TM4SF5: variants seen among roughly 807,000 people sequenced by gnomAD.
TM4SF5 encodes the protein transmembrane 4 L6 family member 5.
A neutral mutation model predicts 22.3 loss-of-function variants in TM4SF5; 16 were observed. The observed-to-expected ratio is 0.72, with a 90% CI of 0.49 to 1.09. The LOEUF (loss-of-function observed/expected upper bound fraction) is 1.09. Among genes scored for constraint, TM4SF5 ranks in the 50% least tolerant of loss-of-function variants. The probability of loss-of-function intolerance (pLI) is 0.00; values close to 1 mark genes in which losing one functional copy is unlikely to be tolerated. For synonymous variants in TM4SF5, 113 were observed against 109.6 expected, an observed-to-expected ratio of 1.03 and a Z score of -0.19; for missense variants, 249 against 266.1, an observed-to-expected ratio of 0.94 and a Z score of 0.45.
chr17:4,776,111 A>C (rs570348575), intron 1 of TM4SF5, among the ~76,000 whole-genome samples: 1 of 151,622 alleles, frequency 6.6e-6, no homozygotes, highest in Non-Finnish European at 1.5e-5. Context: ...GGCCTCCCCA[A>C]GTGCTGGGAT....
intron 2 of TM4SF5, among the ~76,000 whole-genome samples, chr17:4,781,840 C>T (rs746972172): frequency 5.9e-5 from 9 of 151,902 alleles, no homozygotes; most frequent in Non-Finnish European, 1.3e-4. Context: ...AATAAATTTC[C>T]CTTCAAACCC....
At chr17:4,776,838 A>G (rs1440783959) in intron 1 of TM4SF5, among the ~76,000 whole-genome samples, 2 of 152,170 alleles carry the variant, frequency 1.3e-5, no homozygotes, top group African/African-American at 4.8e-5. Context: ...ACGCCACTGG[A>G]ATGAAGAAGA....
chr17:4,781,385 G>A lies in TM4SF5; in HGVS notation c.258+516G>A, dbSNP rs145725784. 4.8e-3 allele frequency among the ~76,000 whole-genome samples: 722 copies of A among 151,924 alleles called. 4 individuals are homozygous for A. The highest frequency in any genetic ancestry group is 0.016 in the African/African-American group (677 of 41,480). On this transcript the variant is annotated intron_variant, in intron 2 of 4. Transcript: ENST00000270560. The stretch of plus-strand genomic sequence containing the variant: ...TAGCCTGGTGTGGTGGTGGGCGCCT[G>A]TAATCCCAGCTACTCAGGAGGCTGA...
chr17:4,776,060 G>A (rs141993115), intron 1 of TM4SF5, among the ~76,000 whole-genome samples: 8,872 of 151,578 alleles, frequency 0.059, 358 homozygotes, highest in East Asian at 0.11. Context: ...TGTTGGTCAG[G>A]CTGGTCTCGC....
intron 2 of TM4SF5, among the ~76,000 whole-genome samples, chr17:4,781,953 G>A (rs1917317353): frequency 6.6e-6 from 1 of 151,630 alleles, no homozygotes; most frequent in African/African-American, 2.4e-5. Flanking sequence ...CAGGATCATT[G>A]AGATCTGAGA....
At chr17:4,781,883 C>T (rs916973836) in intron 2 of TM4SF5, among the ~76,000 whole-genome samples, 6 of 151,824 alleles carry the variant, frequency 4.0e-5, no homozygotes, top group African/African-American at 1.2e-4. Flanking sequence ...TGAAAGCCAG[C>T]GGCCGCCGAG....
chr17:4,771,989 G>T lies in TM4SF5; in HGVS notation c.67G>T (p.Val23Leu). ...CATTACCCTCTGCCTCGTCTGCATTGTGGCCAACGCCCTCCTGCTGGTACC... is the reference window on the plus strand; with the variant it reads ...CATTACCCTCTGCCTCGTCTGCATTTTGGCCAACGCCCTCCTGCTGGTACC... ...SLITLCLVCI[V>L]ANALLLVPNG... The change falls in exon 1 of 5, where the codon GTG (valine) becomes TTG (leucine). Residue 23 changes from valine to leucine, a missense_variant. Physicochemically the swap from Val to Leu is conservative, Grantham distance 32 (BLOSUM62 1). Coordinates refer to ENST00000270560, the MANE Select transcript of TM4SF5 (RefSeq NM_003963.3). The T allele has an allele frequency of 1.9e-6, 3 of 1,614,194 alleles. No individual in the cohort carries two copies. The highest frequency in any genetic ancestry group is 2.5e-6 in the Non-Finnish European group (3 of 1,180,042).
chr17:4,775,360 G>A (rs996678856), intron 1 of TM4SF5, among the ~76,000 whole-genome samples: 5 of 151,110 alleles, frequency 3.3e-5, no homozygotes, highest in African/African-American at 9.7e-5. Flanking sequence ...TTGGGTTCAC[G>A]CCATTCTCCT....
intron 1 of TM4SF5, among the ~76,000 whole-genome samples, chr17:4,775,455 G>T (rs925672821): frequency 5.3e-5 from 8 of 151,042 alleles, no homozygotes; most frequent in African/African-American, 1.9e-4. Context: ...TAGTAGAGAT[G>T]GGGTTTCACC....
intron 2 of TM4SF5, among the ~76,000 whole-genome samples, chr17:4,781,321 ACT>A (rs1213309314): frequency 6.7e-6 from 1 of 150,210 alleles, no homozygotes; most frequent in Non-Finnish European, 1.5e-5. Flanking sequence ...CAAGAGTGAA[ACT>A]CTGTCTCAAA....
chr17:4,775,327 C>T (rs1479576935), intron 1 of TM4SF5, among the ~76,000 whole-genome samples: 2 of 151,106 alleles, frequency 1.3e-5, no homozygotes, highest in Admixed American at 6.6e-5. Context: ...GGTGCGATCT[C>T]GGTTCACTAC....
rs778375611 is a variant in TM4SF5, at chr17:4,783,110, G to T, written c.580-4G>T. 2 of 1,614,136 alleles carry T rather than the reference G, an allele frequency of 1.2e-6. No homozygotes were observed. The highest frequency in any genetic ancestry group is 1.7e-6 in the Non-Finnish European group (2 of 1,180,014). ...GCTGCGTTCTCACCTTCTCTTTTCC[G>T]CAGGACACACCTCACTGAGGCTCCA... On this transcript the variant is annotated splice_region_variant and splice_polypyrimidine_tract_variant and intron_variant, in intron 4 of 4. Transcript: ENST00000270560.
chr17:4,782,641 T>G lies in TM4SF5; in HGVS notation c.395+2T>G, dbSNP rs1431176272. ...GGGCTACCACTTCGAAGACACCGCGTAAGGTTTAGCCTGTATTCGTGTCCT... is the reference window on the plus strand; with the variant it reads ...GGGCTACCACTTCGAAGACACCGCGGAAGGTTTAGCCTGTATTCGTGTCCT... On this transcript the variant is annotated splice_donor_variant, in intron 3 of 4. Transcript: ENST00000270560. LOFTEE classifies it high-confidence loss of function. 1 of 1,614,008 alleles carries G rather than the reference T, an allele frequency of 6.2e-7. No individual in the cohort carries two copies. The highest frequency in any genetic ancestry group is 1.3e-5 in the African/African-American group (1 of 74,920).
chr17:4,774,027 C>G (rs796284009), intron 1 of TM4SF5, among the ~76,000 whole-genome samples: 21 of 152,286 alleles, frequency 1.4e-4, no homozygotes, highest in African/African-American at 5.1e-4. Flanking sequence ...ACCAGCCTGG[C>G]CAACATGGTG....
chr17:4,775,956 T>G (rs1917196671), intron 1 of TM4SF5, among the ~76,000 whole-genome samples: 1 of 152,110 alleles, frequency 6.6e-6, no homozygotes, highest in African/African-American at 2.4e-5. Context: ...ATGATTCTCA[T>G]GCCTCAGCCT....
intron 1 of TM4SF5, among the ~76,000 whole-genome samples, chr17:4,773,445 C>T (rs764774882): frequency 3.3e-5 from 5 of 152,148 alleles, no homozygotes; most frequent in Admixed American, 6.6e-5. Flanking sequence ...TGGTCAACCT[C>T]GTTTAATATC....
chr17:4,777,330 G>A (rs549128064), intron 1 of TM4SF5, among the ~76,000 whole-genome samples: 8 of 152,270 alleles, frequency 5.3e-5, no homozygotes, highest in African/African-American at 1.9e-4. Flanking sequence ...TATAAGCACA[G>A]TGTTTTCTTC....
At position 4,782,593 on chromosome 17, in the gene TM4SF5, A is replaced by G. The variant is rs1416665236; in HGVS notation, c.349A>G (p.Arg117Gly). 1 of 1,613,986 alleles carries G rather than the reference A, an allele frequency of 6.2e-7. No homozygotes were observed. The highest frequency in any genetic ancestry group is 1.3e-5 in the African/African-American group (1 of 74,926). The change falls in exon 3 of 5, where the codon AGA (arginine) becomes GGA (glycine). Residue 117 changes from arginine (R) to glycine (G), a missense_variant. By Grantham distance (125) the Arg-to-Gly change is moderately radical. Transcript: ENST00000270560. The part of the protein sequence containing the change: ...VSGAGLRNGP[R>G]CLMNGEWGYH... ...TGGAGCTGGGCTCCGAAATGGACCC[A>G]GATGCTTAATGAACGGCGAGTGGGG...
At chr17:4,779,879 C>T (rs1357145560) in intron 1 of TM4SF5, among the ~76,000 whole-genome samples, 1 of 151,998 alleles carries the variant, frequency 6.6e-6, no homozygotes. Flanking sequence ...AGGAAAGCCA[C>T]AGGGAGAAAA....
Sources: allele counts gnomAD v4.1 joint callset (sites outside exome capture counted in the v4.1 genomes callset), GRCh38; gene constraint gnomAD v4.1.1; transcripts MANE v1.5; gene names NCBI Gene and HGNC (gene_info 2026-07-23, HGNC 2026-07-21).